Variants in TMEM164 observed in about 807,000 individuals in gnomAD.
TMEM164 encodes RP13-360B22.2.
TMEM164 carries 4 observed loss-of-function variants against 18.8 expected under a neutral mutation model. That is an observed-to-expected ratio of 0.21 (90% confidence interval 0.10 to 0.49). The LOEUF is 0.49. TMEM164 is among the 20% of genes least tolerant of loss of function. The pLI is 0.98. For synonymous variants in TMEM164, 86 were observed against 101.7 expected (o/e 0.85, Z 0.93); for missense variants, 108 against 239.9 (o/e 0.45, Z 3.63).
At chrX:110,057,934 T>A (rs1214720965) in intron 2 of TMEM164, among the ~76,000 whole-genome samples, 1 of 112,484 alleles carries the variant, frequency 8.9e-6, no homozygotes, top group Admixed American at 9.4e-5. Flanking sequence ...ATATAGCTTT[T>A]TAGGTTGATG....
chrX:110,105,131 C>A (rs909888294), intron 3 of TMEM164, among the ~76,000 whole-genome samples: 1 of 100,512 alleles, frequency 9.9e-6, no homozygotes, highest in African/African-American at 3.7e-5. Context: ...CCTCCCACCT[C>A]CCTCCCTCCC....
chrX:110,145,173 C>T (rs1024145062), intron 5 of TMEM164, among the ~76,000 whole-genome samples: 2 of 111,066 alleles, frequency 1.8e-5, no homozygotes, highest in Admixed American at 1.9e-4. Flanking sequence ...TGCATGGAGC[C>T]CCCCACACTG....
intron 5 of TMEM164, among the ~76,000 whole-genome samples, chrX:110,145,171 G>GC (rs776405526): frequency 1.4e-3 from 156 of 111,051 alleles, no homozygotes; most frequent in African/African-American, 4.8e-3. Context: ...TTTGCATGGA[G>GC]CCCCCCACAC....
intron 2 of TMEM164, among the ~76,000 whole-genome samples, chrX:110,064,637 A>C (rs1289186015): frequency 9.1e-6 from 1 of 110,338 alleles, no homozygotes; most frequent in Non-Finnish European, 1.9e-5. Context: ...GTAATAAATA[A>C]TCTTTCAATC....
At chrX:110,130,826 G>A (rs1387280413) in intron 4 of TMEM164, among the ~76,000 whole-genome samples, 1 of 111,738 alleles carries the variant, frequency 8.9e-6, no homozygotes, top group East Asian at 2.8e-4. Context: ...GCCAGGAACT[G>A]CTGCAGGTTT....
intron 2 of TMEM164, among the ~76,000 whole-genome samples, chrX:110,023,316 A>T (rs771076169): frequency 1.8e-5 from 2 of 110,399 alleles, no homozygotes; most frequent in African/African-American, 6.6e-5. Flanking sequence ...TTTCTACTTC[A>T]GTTCCTCATT....
intron 3 of TMEM164, among the ~76,000 whole-genome samples, chrX:110,092,541 AT>A (rs1277722581): frequency 9.0e-6 from 1 of 111,640 alleles, no homozygotes; most frequent in Non-Finnish European, 1.9e-5. Context: ...AATGCTTGTG[AT>A]TTTTGCACAT....
At chrX:110,014,744 C>CTTTTTTTTTTTTTTTTTTTTT (rs142705177) in intron 2 of TMEM164, among the ~76,000 whole-genome samples, 11 of 54,237 alleles carry the variant, frequency 2.0e-4, no homozygotes, top group African/African-American at 3.8e-4. Context: ...TTGGTTGTTT[C>CTTTTTTTTTTTTTTTTTTTTT]TTTTTTTTTT....
chrX:110,053,347 C>G (rs1935659167), intron 2 of TMEM164, among the ~76,000 whole-genome samples: 1 of 111,615 alleles, frequency 9.0e-6, no homozygotes, highest in South Asian at 3.8e-4. Flanking sequence ...TGTCCTGCAT[C>G]ACTGTGTGCT....
chrX:110,034,574 G>A (rs762659433), intron 2 of TMEM164, among the ~76,000 whole-genome samples: 149 of 111,975 alleles, frequency 1.3e-3, no homozygotes, highest in Middle Eastern at 4.6e-3. Flanking sequence ...AAATCAGTCA[G>A]TGGGCCACGT....
At chrX:110,080,044 A>G (rs1320255711) in intron 3 of TMEM164, among the ~76,000 whole-genome samples, 2 of 111,539 alleles carry the variant, frequency 1.8e-5, no homozygotes, top group Non-Finnish European at 3.8e-5. Context: ...GTCTCTGTAA[A>G]CTTTTTATAA....
chrX:110,147,912 C>A (rs1228711163), intron 5 of TMEM164, among the ~76,000 whole-genome samples: 3 of 110,025 alleles, frequency 2.7e-5, no homozygotes, highest in Non-Finnish European at 5.7e-5. Context: ...TCCTCTTCTT[C>A]CTATTCAGCT....
At chrX:110,084,029 C>T (rs763183556) in intron 3 of TMEM164, among the ~76,000 whole-genome samples, 1 of 110,955 alleles carries the variant, frequency 9.0e-6, no homozygotes, top group Non-Finnish European at 1.9e-5. Flanking sequence ...AATAGCAGTA[C>T]TAGCAGGAGT....
intron 3 of TMEM164, 28 bp from the exon 4 acceptor site, chrX:110,109,052 C>G: frequency 8.3e-7 from 1 of 1,198,810 alleles, no homozygotes. Context: ...CTGAGTATGA[C>G]CTGAACTTTA....
intron 2 of TMEM164, among the ~76,000 whole-genome samples, chrX:110,005,895 A>G (rs1015493530): frequency 9.0e-6 from 1 of 111,598 alleles, no homozygotes; most frequent in African/African-American, 3.3e-5. Context: ...TGGCAATCAC[A>G]TATCTAGAAG....
rs777965957 is a variant in TMEM164, at chrX:110,026,574, A to C, written c.390+22410A>C. Reference sequence around the variant, plus strand: ...TTACCTACTTCTTCACAGTAATGATAACAGCTCACATTTATTTTGCCCTTA... The same window carrying C: ...TTACCTACTTCTTCACAGTAATGATCACAGCTCACATTTATTTTGCCCTTA... On this transcript the variant is annotated intron_variant, in intron 2 of 6. Coordinates refer to ENST00000372068, the MANE Select transcript of TMEM164 (RefSeq NM_032227.4). Among the ~76,000 whole-genome samples, 7 of 111,776 alleles carry C rather than the reference A, an allele frequency of 6.3e-5. No homozygotes were observed. In the South Asian group the frequency reaches 2.6e-3, roughly 42 times the overall value.
intron 3 of TMEM164, among the ~76,000 whole-genome samples, chrX:110,108,509 G>A (rs753776958): frequency 9.0e-6 from 1 of 111,679 alleles, no homozygotes; most frequent in East Asian, 2.8e-4. Context: ...ATATGTAAAT[G>A]AAAGCCTGGA....
intron 2 of TMEM164, among the ~76,000 whole-genome samples, chrX:110,066,342 A>G (rs751208155): frequency 3.6e-5 from 4 of 112,273 alleles, no homozygotes; most frequent in Middle Eastern, 4.6e-3. Context: ...CACACCATTA[A>G]GTCACTACAG....
At chrX:110,145,976 G>A (rs768709305) in intron 5 of TMEM164, among the ~76,000 whole-genome samples, 2 of 111,799 alleles carry the variant, frequency 1.8e-5, no homozygotes, top group Non-Finnish European at 3.8e-5. Flanking sequence ...CTTTTACCCT[G>A]TGCGGCCACT....
Sources: allele counts gnomAD v4.1 joint callset (sites outside exome capture counted in the v4.1 genomes callset), GRCh38; gene constraint gnomAD v4.1.1; transcripts MANE v1.5; gene names NCBI Gene and HGNC (gene_info 2026-07-23, HGNC 2026-07-21).